The following MICAL2 variants were observed in gnomAD, a reference collection of about 807,000 sequenced individuals.
MICAL2 encodes microtubule associated monooxygenase, calponin and LIM domain containing 2.
Under a neutral mutation model 127.3 loss-of-function variants are expected in MICAL2, and 77 were observed. The ratio of observed to expected loss-of-function variants is 0.60; its 90% CI spans 0.50 to 0.73. The LOEUF (loss-of-function observed/expected upper bound fraction) is 0.73, where lower values mean the gene tolerates loss of function less well. MICAL2 is among the 30% of genes least tolerant of loss of function. The probability of loss-of-function intolerance (pLI) is 0.00; values close to 1 mark genes in which losing one functional copy is unlikely to be tolerated. For missense variants in MICAL2, 1,351 were observed against 1,434.4 expected, an observed-to-expected ratio of 0.94 and a Z score of 0.94; for synonymous variants, 570 against 551.1, an observed-to-expected ratio of 1.03 and a Z score of -0.48.
chr11:12,236,624 C>G (rs965563448), intron 16 of MICAL2, among the ~76,000 whole-genome samples: 1 of 152,232 alleles, frequency 6.6e-6, no homozygotes, highest in Non-Finnish European at 1.5e-5. Context: ...CACTTTTCTC[C>G]CAATCATCGT....
intron 3 of MICAL2, among the ~76,000 whole-genome samples, chr11:12,188,895 A>T (rs1329650812): frequency 6.6e-6 from 1 of 151,856 alleles, no homozygotes; most frequent in Non-Finnish European, 1.5e-5. Context: ...CACTATGCGG[A>T]CTCTCTGGAT....
At chr11:12,335,285 C>A (rs1264063685) in intron 32 of MICAL2, among the ~76,000 whole-genome samples, 1 of 151,698 alleles carries the variant, frequency 6.6e-6, no homozygotes, top group Admixed American at 6.6e-5. Flanking sequence ...CCTTCACCCA[C>A]TTTTTGATGG....
At chr11:12,349,385 C>T (rs192876188) in intron 32 of MICAL2, among the ~76,000 whole-genome samples, 1 of 152,272 alleles carries the variant, frequency 6.6e-6, no homozygotes, top group African/African-American at 2.4e-5. Flanking sequence ...GCATGAGCTT[C>T]CCTGCCCCAT....
intron 2 of MICAL2, among the ~76,000 whole-genome samples, chr11:12,286,360 A>G (rs761622307): frequency 5.3e-5 from 8 of 152,222 alleles, no homozygotes; most frequent in Non-Finnish European, 8.8e-5. Context: ...TATTACATAT[A>G]TGGAACATTG....
intron 3 of MICAL2, among the ~76,000 whole-genome samples, chr11:12,187,686 G>A (rs1858485427): frequency 6.6e-6 from 1 of 152,172 alleles, no homozygotes; most frequent in Non-Finnish European, 1.5e-5. Flanking sequence ...AGGTGACTGG[G>A]GGTTCCCGAG....
intron 24 of MICAL2, among the ~76,000 whole-genome samples, chr11:12,271,062 C>A (rs1863669625): frequency 6.6e-6 from 1 of 152,158 alleles, no homozygotes; most frequent in Admixed American, 6.5e-5. Flanking sequence ...CTCTGCCTTT[C>A]CCAGGCTCAT....
chr11:12,153,051 G>A (rs916989761), intron 2 of MICAL2, among the ~76,000 whole-genome samples: 4 of 151,754 alleles, frequency 2.6e-5, no homozygotes, highest in African/African-American at 9.7e-5. Flanking sequence ...TTGTTTTGAG[G>A]CAGGCTCTTG....
intron 12 of MICAL2, among the ~76,000 whole-genome samples, chr11:12,224,000 C>T (rs770674995): frequency 6.6e-6 from 1 of 152,142 alleles, no homozygotes; most frequent in Non-Finnish European, 1.5e-5. Context: ...CTTTGGCTAC[C>T]TGTGCCTGTC....
downstream of MICAL2, among the ~76,000 whole-genome samples, chr11:12,360,516 T>C (rs1463705265): frequency 1.3e-5 from 2 of 152,226 alleles, no homozygotes; most frequent in Non-Finnish European, 2.9e-5. Flanking sequence ...TATGCAGCAA[T>C]ATTCAGGCCC....
At chr11:12,324,848 C>T (rs1590738134) in intron 31 of MICAL2, among the ~76,000 whole-genome samples, 2 of 152,218 alleles carry the variant, frequency 1.3e-5, no homozygotes, top group Admixed American at 6.5e-5. Context: ...CTACCTCTTT[C>T]ACCTAGTGAA....
intron 2 of MICAL2, among the ~76,000 whole-genome samples, chr11:12,282,559 A>C (rs899651651): frequency 6.6e-6 from 1 of 152,268 alleles, no homozygotes; most frequent in Non-Finnish European, 1.5e-5. Flanking sequence ...TAGGAGGGAT[A>C]GACCCCAGAG....
chr11:12,292,081 T>A, downstream of MICAL2: 1 of 1,541,640 alleles, frequency 6.5e-7, no homozygotes, highest in Non-Finnish European at 8.8e-7. Flanking sequence ...ACTTAAAGCC[T>A]CCTCTTTTCT....
intron 3 of MICAL2, among the ~76,000 whole-genome samples, chr11:12,200,010 A>G (rs1860483476): frequency 1.3e-5 from 2 of 152,166 alleles, no homozygotes; most frequent in Admixed American, 1.3e-4. Flanking sequence ...GTGTGAACTG[A>G]AACATCCCAG....
chr11:12,205,434 T>C (rs927363723), intron 4 of MICAL2, among the ~76,000 whole-genome samples: 1 of 152,236 alleles, frequency 6.6e-6, no homozygotes, highest in African/African-American at 2.4e-5. Context: ...ACTTTTTGTA[T>C]ACTTGAATTC....
chr11:12,255,528 C>T (rs894894316), intron 22 of MICAL2, 115 bp from the exon 23 acceptor site: 7 of 844,752 alleles, frequency 8.3e-6, no homozygotes, highest in Non-Finnish European at 1.2e-5. Flanking sequence ...TCGTGGGGTG[C>T]TATTTGCATG....
intron 8 of MICAL2, among the ~76,000 whole-genome samples, chr11:12,217,008 C>T (rs1330454540): frequency 2.6e-5 from 4 of 152,192 alleles, no homozygotes; most frequent in Non-Finnish European, 5.9e-5. Flanking sequence ...CTGCTGGCTT[C>T]CTGGCCTCTG....
intron 3 of MICAL2, among the ~76,000 whole-genome samples, chr11:12,166,694 A>G (rs1317710224): frequency 3.9e-5 from 6 of 152,232 alleles, no homozygotes; most frequent in Non-Finnish European, 8.8e-5. Context: ...ATAAGTGATC[A>G]GTAAACATTT....
chr11:12,314,267 T>C (rs1864207206), intron 29 of MICAL2, among the ~76,000 whole-genome samples: 1 of 152,064 alleles, frequency 6.6e-6, no homozygotes, highest in Non-Finnish European at 1.5e-5. Context: ...TCTTGCTTTA[T>C]TTTTAATTAA....
rs1208990201 is a variant in MICAL2, at chr11:12,220,191, T to C, written c.949-10T>C. The stretch of plus-strand genomic sequence containing the variant: ...GGGAGGTTGCTGCACCATGTTTTCA[T>C]CTTCCCCAGGACTACATCGACACAG... On this transcript the variant is annotated splice_polypyrimidine_tract_variant and intron_variant, in intron 8 of 27. Coordinates refer to ENST00000683283, the MANE Select transcript of MICAL2 (RefSeq NM_001282663.2). The C allele has an allele frequency of 6.2e-7, 1 of 1,613,742 alleles. No individual in the cohort carries two copies. Among genetic ancestry groups the C allele is most frequent in the African/African-American group, 1.3e-5 (1 of 74,938 alleles).
Sources: gnomAD v4.1 joint callset for allele counts (sites outside exome capture counted in the v4.1 genomes callset) on GRCh38, gnomAD v4.1.1 for gene constraint, MANE v1.5 for transcripts, NCBI Gene and HGNC (gene_info 2026-07-23, HGNC 2026-07-21) for gene names.